KLHL26: variants seen among roughly 807,000 people sequenced by gnomAD.
KLHL26 encodes the protein kelch-like protein 26.
In KLHL26, 4 loss-of-function variants were observed where a neutral mutation model predicts 7.1. That is an observed-to-expected ratio of 0.56 (90% CI 0.28 to 1.28). The LOEUF (loss-of-function observed/expected upper bound fraction) is 1.28. Ranked by LOEUF, KLHL26 falls within the 50% of genes most tolerant of loss-of-function variation. KLHL26 has a pLI of 0.11. For synonymous variants in KLHL26, 465 were observed against 414.1 expected, an observed-to-expected ratio of 1.12 and a Z score of -1.49; for missense variants, 896 against 924.6, an observed-to-expected ratio of 0.97 and a Z score of 0.40.
chr19:18,670,296 C>T lies in KLHL26; in HGVS notation c.*1051C>T, dbSNP rs1373064821. 1.3e-5 allele frequency: 2 copies of T among 152,144 alleles called. No homozygotes were observed. Among genetic ancestry groups the T allele is most frequent in the Non-Finnish European group, 2.9e-5 (2 of 68,030 alleles). 9.4% of individuals were successfully genotyped at this position (152,144 alleles called of 1,614,324 possible). On this transcript the variant is annotated 3_prime_UTR_variant, in exon 3 of 3. Transcript: ENST00000300976. ...AATCTTTTCTTTTTGATTGGTTTTACTGTTTTTAAGAAGCCAGCACTGCTG... is the reference window on the plus strand; with the variant it reads ...AATCTTTTCTTTTTGATTGGTTTTATTGTTTTTAAGAAGCCAGCACTGCTG...
chr19:18,637,265 G>T, intron 1 of KLHL26, 128 bp downstream of exon 1: 22 of 1,017,158 alleles, frequency 2.2e-5, no homozygotes, highest in Non-Finnish European at 2.8e-5. Flanking sequence ...CTGAGAATTT[G>T]GACTTTACGG....
intron 1 of KLHL26, among the ~76,000 whole-genome samples, chr19:18,642,338 A>AGTATGTGTGTGTGT (rs1362401503): frequency 2.8e-4 from 35 of 123,886 alleles, no homozygotes; most frequent in African/African-American, 1.1e-3. Flanking sequence ...CTAGTCACCT[A>AGTATGTGTGTGTGT]GTGTGTGTGT....
intron 1 of KLHL26, among the ~76,000 whole-genome samples, chr19:18,647,305 C>T (rs796859118): frequency 1.2e-4 from 19 of 152,342 alleles, no homozygotes; most frequent in African/African-American, 4.3e-4. Flanking sequence ...TATTACCCTC[C>T]GCCATAATCG....
intron 2 of KLHL26, among the ~76,000 whole-genome samples, chr19:18,665,381 T>C (rs138791653): frequency 9.5e-4 from 144 of 152,356 alleles, no homozygotes; most frequent in African/African-American, 3.3e-3. Flanking sequence ...TGACGCCTGC[T>C]GTATGCCAGG....
intron 1 of KLHL26, among the ~76,000 whole-genome samples, chr19:18,654,338 T>TCCACTCATCCACCATCTGC (rs2052302732): frequency 7.6e-6 from 1 of 131,476 alleles, no homozygotes; most frequent in Non-Finnish European, 1.6e-5. Context: ...CATCCACCAA[T>TCCACTCATCCACCATCTGC]CCACTCATCC....
At chr19:18,639,429 T>TTTG (rs1976675072) in intron 1 of KLHL26, among the ~76,000 whole-genome samples, 1 of 124,494 alleles carries the variant, frequency 8.0e-6, no homozygotes, top group Admixed American at 7.9e-5. Context: ...TTTTTTTTTT[T>TTTG]GAGATAGAGT....
chr19:18,665,382 G>A (rs2052437824), intron 2 of KLHL26, among the ~76,000 whole-genome samples: 1 of 152,246 alleles, frequency 6.6e-6, no homozygotes, highest in South Asian at 2.1e-4. Context: ...GACGCCTGCT[G>A]TATGCCAGGC....
intron 2 of KLHL26, 54 bp downstream of exon 2, chr19:18,664,497 C>T (rs1266500545): frequency 7.0e-7 from 1 of 1,435,704 alleles, no homozygotes; most frequent in African/African-American, 1.4e-5. Context: ...GGGACAGGGA[C>T]AGGGCAGATG....
chr19:18,668,605 G>C lies in KLHL26; in HGVS notation c.1208G>C (p.Arg403Pro). ...WLRLQAMQESRIQFQLNVLCG... is the reference protein window; with the variant it reads ...WLRLQAMQESPIQFQLNVLCG... ...CGCCTGCAGGCCATGCAGGAAAGCC[G>C]CATCCAGTTCCAGCTGAACGTGCTG... The change falls in exon 3 of 3, where the codon CGC (arginine) becomes CCC (proline). Residue 403 changes from arginine to proline, a missense_variant. By Grantham distance (103) the Arg-to-Pro change is moderately radical. Coordinates refer to ENST00000300976, the MANE Select transcript of KLHL26 (RefSeq NM_018316.3). The C allele has an allele frequency of 6.3e-7, 1 of 1,587,356 alleles. No individual in the cohort carries two copies. Among genetic ancestry groups the C allele is most frequent in the Non-Finnish European group, 8.5e-7 (1 of 1,172,824 alleles).
chr19:18,657,774 A>T (rs1362161969), intron 1 of KLHL26, among the ~76,000 whole-genome samples: 1 of 152,172 alleles, frequency 6.6e-6, no homozygotes, highest in East Asian at 1.9e-4. Flanking sequence ...GCGGCCCCTT[A>T]TCAGGAGGGA....
intron 1 of KLHL26, among the ~76,000 whole-genome samples, chr19:18,657,399 T>C (rs2052345711): frequency 1.3e-5 from 2 of 151,840 alleles, no homozygotes; most frequent in African/African-American, 4.8e-5. Flanking sequence ...TGGGTCTCTG[T>C]CTCCCTCTCC....
At chr19:18,661,989 C>T (rs1009451833) in intron 1 of KLHL26, among the ~76,000 whole-genome samples, 1 of 152,318 alleles carries the variant, frequency 6.6e-6, no homozygotes, top group South Asian at 2.1e-4. Flanking sequence ...AAGTGATCCT[C>T]TCACCTCAGC....
Position 18,664,243 on chromosome 19 carries a change from C to T in KLHL26, c.84-18C>T. Reference sequence around the variant, plus strand: ...TGTGAACCTCTGGGCCATGTCCCCACCTCTGCTTTCCCCGCAGCACGGCCG... The same window carrying T: ...TGTGAACCTCTGGGCCATGTCCCCATCTCTGCTTTCCCCGCAGCACGGCCG... On this transcript the variant is annotated intron_variant, in intron 1 of 2. Transcript: ENST00000300976. The T allele has an allele frequency of 6.3e-7, 1 of 1,582,764 alleles. No homozygotes were observed. Among genetic ancestry groups the T allele is most frequent in the South Asian group, 1.2e-5 (1 of 86,442 alleles).
chr19:18,667,579 T>C (rs2145411487), intron 2 of KLHL26, 85 bp from the exon 3 acceptor site: 1 of 1,532,686 alleles, frequency 6.5e-7, no homozygotes, highest in Non-Finnish European at 8.8e-7. Context: ...GTCCCCAGGC[T>C]ACTGTTCCCC....
chr19:18,664,910 T>C (rs955790091), intron 2 of KLHL26, among the ~76,000 whole-genome samples: 47 of 151,902 alleles, frequency 3.1e-4, no homozygotes, highest in African/African-American at 1.1e-3. Context: ...AGAGGTTTAA[T>C]GTCCAGTAAA....
chr19:18,645,825 A>G (rs1976792200), intron 1 of KLHL26, among the ~76,000 whole-genome samples: 1 of 151,744 alleles, frequency 6.6e-6, no homozygotes, highest in African/African-American at 2.4e-5. Context: ...AAAAAAAAAA[A>G]AAGAAGTGAT....
At chr19:18,661,630 A>G (rs1400812511) in intron 1 of KLHL26, among the ~76,000 whole-genome samples, 1 of 151,914 alleles carries the variant, frequency 6.6e-6, no homozygotes, top group Non-Finnish European at 1.5e-5. Flanking sequence ...CTGTGATTCC[A>G]CGAATCTCCT....
chr19:18,668,115 C>A lies in KLHL26; in HGVS notation c.718C>A (p.Arg240=). The A allele has an allele frequency of 6.3e-7, 1 of 1,596,088 alleles. No homozygotes were observed. The highest frequency in any genetic ancestry group is 8.5e-7 in the Non-Finnish European group (1 of 1,175,952). The part of the protein sequence containing the change: ...AVRWLQHDPA[R]RPRASHVLCH... Reference sequence around the variant, plus strand: ...CCGCTGGCTGCAGCATGACCCGGCCCGGCGGCCGCGCGCCAGCCACGTGCT... The same window carrying A: ...CCGCTGGCTGCAGCATGACCCGGCCAGGCGGCCGCGCGCCAGCCACGTGCT... Residue 240 remains arginine, a synonymous_variant, in exon 3 of 3, where the codon CGG becomes AGG. Transcript: ENST00000300976.
chr19:18,667,476 T>C, intron 2 of KLHL26, 188 bp from the exon 3 acceptor site: 1 of 989,910 alleles, frequency 1.0e-6, no homozygotes, highest in South Asian at 1.7e-5. Context: ...AGTGCTGGGA[T>C]TACAGGCATG....
Sources: gnomAD v4.1 joint callset for allele counts (sites outside exome capture counted in the v4.1 genomes callset) on GRCh38, gnomAD v4.1.1 for gene constraint, MANE v1.5 for transcripts, NCBI Gene and HGNC (gene_info 2026-07-23, HGNC 2026-07-21) for gene names.